COL26A1: variants seen among roughly 807,000 people sequenced by gnomAD.
COL26A1 encodes collagen type XXVI alpha 1 chain, also known as collagen alpha-1(XXVI) chain.
In COL26A1, 41 loss-of-function variants were observed where a neutral mutation model predicts 59.3. The ratio of observed to expected loss-of-function variants is 0.69; its 90% CI spans 0.54 to 0.90. The LOEUF is 0.90. Among genes scored for constraint, COL26A1 ranks in the 40% least tolerant of loss-of-function variants. The probability of loss-of-function intolerance (pLI) is 0.00; values close to 1 mark genes in which losing one functional copy is unlikely to be tolerated. For synonymous variants in COL26A1, 266 were observed against 256.0 expected (o/e 1.04, Z -0.37); for missense variants, 612 against 602.3 (o/e 1.02, Z -0.17).
chr7:101,555,118 A>C (rs532846976), intron 11 of COL26A1, among the ~76,000 whole-genome samples: 1 of 152,214 alleles, frequency 6.6e-6, no homozygotes, highest in South Asian at 2.1e-4. Context: ...CACTTTTCAG[A>C]GTGGCCTCGA....
In COL26A1 at chr7:101,365,487, T is replaced by C. The variant is rs190788042; in HGVS notation, c.158+2297T>C. 3.4e-4 allele frequency among the ~76,000 whole-genome samples: 51 copies of C among 152,138 alleles called. No individual in the cohort carries two copies. The East Asian group carries it at 7.8e-3, about 23-fold the overall frequency. The stretch of plus-strand genomic sequence containing the variant: ...TGTCTCCCAGGCTGGAGTGCAATGG[T>C]GCAATCTTGGCTTACTGCAACCTCT... On this transcript the variant is annotated intron_variant, in intron 1 of 12. Coordinates refer to ENST00000313669, the MANE Select transcript of COL26A1 (RefSeq NM_001278563.3).
At chr7:101,444,830 A>G (rs755207885) in intron 2 of COL26A1, among the ~76,000 whole-genome samples, 4 of 134,564 alleles carry the variant, frequency 3.0e-5, no homozygotes, top group African/African-American at 7.4e-5. Context: ...TTTATTTTTT[A>G]TTTTATTTTA....
chr7:101,370,621 C>T (rs973993182), intron 1 of COL26A1, among the ~76,000 whole-genome samples: 1 of 152,150 alleles, frequency 6.6e-6, no homozygotes, highest in Non-Finnish European at 1.5e-5. Context: ...ATCTGCCCAC[C>T]TCATCCTCCC....
At chr7:101,388,141 A>G (rs567174519) in intron 1 of COL26A1, among the ~76,000 whole-genome samples, 2 of 151,854 alleles carry the variant, frequency 1.3e-5, no homozygotes, top group African/African-American at 4.8e-5. Flanking sequence ...TGCAATCACC[A>G]TCACCATCCA....
intron 1 of COL26A1, among the ~76,000 whole-genome samples, chr7:101,387,774 A>ATTTTTTTTTTTTTTTTTTT (rs1185449488): frequency 2.0e-4 from 10 of 48,892 alleles, no homozygotes; most frequent in East Asian, 5.8e-4. Flanking sequence ...ATATATATAT[A>ATTTTTTTTTTTTTTTTTTT]TATATTTTTT....
At chr7:101,515,863 A>G (rs1795018338) in intron 3 of COL26A1, among the ~76,000 whole-genome samples, 1 of 152,194 alleles carries the variant, frequency 6.6e-6, no homozygotes, top group Admixed American at 6.5e-5. Context: ...TGCTGGGATT[A>G]CAGGCATGAG....
At position 101,545,322 on chromosome 7, in the gene COL26A1, C is replaced by A. The variant is rs766002746; in HGVS notation, c.704-16C>A. The A allele has an allele frequency of 1.3e-6, 2 of 1,554,228 alleles. No individual in the cohort carries two copies. The highest frequency in any genetic ancestry group is 1.7e-6 in the Non-Finnish European group (2 of 1,158,462). ...GGCTCCGGCTGCCACAGTGACTGTT[C>A]TTTTCCTCATTGCAGGGCTCCTGGG... On this transcript the variant is annotated splice_polypyrimidine_tract_variant and intron_variant, in intron 6 of 12. Coordinates refer to ENST00000313669, the MANE Select transcript of COL26A1 (RefSeq NM_001278563.3).
chr7:101,530,566 TAAAAAAA>T lies in COL26A1; in HGVS notation c.386-2497_386-2491del, dbSNP rs558473831. On this transcript the variant is annotated intron_variant, in intron 3 of 12. Transcript: ENST00000313669. ...GGTGACAAGAGTGAGACTCTGTCTT[TAAAAAAA>T]AAAAAAAAAAAAAAAAAAGCAGGCA... 1.3e-4 allele frequency among the ~76,000 whole-genome samples: 12 copies of T among 90,234 alleles called. No individual in the cohort carries two copies. The Middle Eastern group carries it at 0.021, about 157-fold the overall frequency. The allele number at this position is 90,234 out of a possible 152,430, so 59.2% of individuals were successfully genotyped here. A position where few individuals can be genotyped will look rare whatever the true frequency, so the allele number is the denominator to read the frequency against.
intron 1 of COL26A1, among the ~76,000 whole-genome samples, chr7:101,368,257 C>G (rs771745367): frequency 5.9e-5 from 9 of 152,166 alleles, no homozygotes; most frequent in Non-Finnish European, 1.2e-4. Flanking sequence ...CTCTTTTTCT[C>G]TCGTGATGCT....
chr7:101,462,861 A>G (rs1429622834), intron 3 of COL26A1, among the ~76,000 whole-genome samples: 3 of 152,032 alleles, frequency 2.0e-5, no homozygotes, highest in Non-Finnish European at 4.4e-5. Flanking sequence ...AGGGACTTGC[A>G]GGCAAGGTTT....
At chr7:101,497,735 C>T (rs1229423052) in intron 3 of COL26A1, among the ~76,000 whole-genome samples, 1 of 152,138 alleles carries the variant, frequency 6.6e-6, no homozygotes, top group African/African-American at 2.4e-5. Flanking sequence ...AATCCCAGCA[C>T]TTTGGCAGCC....
chr7:101,440,547 C>G (rs1159453795), intron 2 of COL26A1, among the ~76,000 whole-genome samples: 1 of 152,186 alleles, frequency 6.6e-6, no homozygotes, highest in African/African-American at 2.4e-5. Flanking sequence ...GGCTACCAAG[C>G]TGAGTCTTGG....
At chr7:101,518,872 C>G (rs1408395107) in intron 3 of COL26A1, among the ~76,000 whole-genome samples, 1 of 152,040 alleles carries the variant, frequency 6.6e-6, no homozygotes, top group African/African-American at 2.4e-5. Context: ...ACATTGTAAC[C>G]CAGCTTCCTT....
chr7:101,385,353 G>GTATATATATATATA (rs1247690110), intron 1 of COL26A1, among the ~76,000 whole-genome samples: 1 of 131,094 alleles, frequency 7.6e-6, no homozygotes, highest in East Asian at 2.2e-4. Context: ...ATATATATGT[G>GTATATATATATATA]TATATATATG....
intron 3 of COL26A1, among the ~76,000 whole-genome samples, chr7:101,478,693 G>A (rs898116703): frequency 1.3e-5 from 2 of 152,114 alleles, no homozygotes; most frequent in Non-Finnish European, 2.9e-5. Context: ...AATGTTATGG[G>A]TATGGCTAAA....
At chr7:101,484,276 C>T (rs1395539737) in intron 3 of COL26A1, among the ~76,000 whole-genome samples, 1 of 152,090 alleles carries the variant, frequency 6.6e-6, no homozygotes, top group South Asian at 2.1e-4. Flanking sequence ...AACTGTGTCT[C>T]AGAGACATTA....
intron 1 of COL26A1, among the ~76,000 whole-genome samples, chr7:101,404,345 G>A (rs1011285223): frequency 6.6e-6 from 1 of 152,040 alleles, no homozygotes; most frequent in African/African-American, 2.4e-5. Flanking sequence ...AAGCATCCTC[G>A]CCAAAACAAC....
chr7:101,515,292 T>TTG (rs1795006202), intron 3 of COL26A1, among the ~76,000 whole-genome samples: 1 of 152,080 alleles, frequency 6.6e-6, no homozygotes, highest in Non-Finnish European at 1.5e-5. Context: ...TATTTATTTT[T>TTG]TTTTTGAGAC....
chr7:101,553,931 G>A (rs1252648293), intron 11 of COL26A1, among the ~76,000 whole-genome samples: 1 of 152,038 alleles, frequency 6.6e-6, no homozygotes, highest in Non-Finnish European at 1.5e-5. Context: ...CTTGGCTGTG[G>A]GGACCTGCGG....
Sources: allele counts gnomAD v4.1 joint callset (sites outside exome capture counted in the v4.1 genomes callset), GRCh38; gene constraint gnomAD v4.1.1; transcripts MANE v1.5; gene names NCBI Gene and HGNC (gene_info 2026-07-23, HGNC 2026-07-21).